Variants in NTM observed in about 807,000 individuals in gnomAD.
NTM encodes neurotrimin.
In NTM, 13 loss-of-function variants were observed where a neutral mutation model predicts 42.1. That is an observed-to-expected ratio of 0.31 (90% CI 0.20 to 0.49). NTM has a LOEUF of 0.49. NTM is among the 20% of genes least tolerant of loss of function. The probability of loss-of-function intolerance (pLI) is 0.99; values close to 1 mark genes in which losing one functional copy is unlikely to be tolerated. For missense variants in NTM, 373 were observed against 452.8 expected (o/e 0.82, Z 1.60); for synonymous variants, 187 against 179.2 (o/e 1.04, Z -0.35).
intron 2 of NTM, among the ~76,000 whole-genome samples, chr11:131,912,874 G>T (rs116235146): frequency 6.6e-6 from 1 of 152,208 alleles, no homozygotes; most frequent in Non-Finnish European, 1.5e-5. Context: ...AAATGGTGAA[G>T]AGGAGGCAAT....
chr11:131,827,722 A>G (rs1192351616), intron 1 of NTM, among the ~76,000 whole-genome samples: 1 of 152,220 alleles, frequency 6.6e-6, no homozygotes, highest in East Asian at 1.9e-4. Context: ...CTGAGTAGTT[A>G]TCTTGAAGTT....
chr11:131,770,707 T>A (rs1461016288), intron 1 of NTM: 1 of 152,192 alleles, frequency 6.6e-6, no homozygotes, highest in Non-Finnish European at 1.5e-5. Context: ...AAGTCTTCCA[T>A]TGTTTTTTTC....
At chr11:131,779,828 G>A (rs1423451141) in intron 1 of NTM, among the ~76,000 whole-genome samples, 1 of 152,194 alleles carries the variant, frequency 6.6e-6, no homozygotes, top group Non-Finnish European at 1.5e-5. Context: ...AACTGTAAGT[G>A]GGTAAGAATG....
At chr11:131,838,608 G>C (rs2043820643) in intron 1 of NTM, among the ~76,000 whole-genome samples, 1 of 152,210 alleles carries the variant, frequency 6.6e-6, no homozygotes, top group African/African-American at 2.4e-5. Context: ...GTGATCAATG[G>C]AAAATATGGA....
At chr11:132,295,189 AT>A (rs2094571064) in intron 4 of NTM, among the ~76,000 whole-genome samples, 1 of 152,116 alleles carries the variant, frequency 6.6e-6, no homozygotes. Flanking sequence ...ACCTTAAAAA[AT>A]ATACCCACTG....
At chr11:132,181,510 T>C (rs528240979) in intron 3 of NTM, among the ~76,000 whole-genome samples, 4 of 152,366 alleles carry the variant, frequency 2.6e-5, no homozygotes, top group African/African-American at 7.2e-5. Context: ...ACCAGGTTTT[T>C]GGTTTCAATC....
chr11:131,444,855 A>G (rs58955041), intron 1 of NTM, among the ~76,000 whole-genome samples: 10,791 of 152,236 alleles, frequency 0.071, 1,782 homozygotes, highest in East Asian at 0.67. Flanking sequence ...TGTGGGTACA[A>G]ATGTGTTTCC....
rs1367904904 is a variant in NTM, at chr11:131,690,168, G to A, written c.83-221396G>A. Among the ~76,000 whole-genome samples the A allele has an allele frequency of 2.0e-5, 3 of 152,256 alleles. No individual in the cohort carries two copies. The East Asian group carries it at 5.8e-4, about 29-fold the overall frequency. On this transcript the variant is annotated intron_variant, in intron 1 of 8. Transcript: ENST00000683400. The stretch of plus-strand genomic sequence containing the variant: ...ACACCAAGATGGCAGAGAAGGCCTG[G>A]AATCCAGATGAGAGGAGAGAAAAGT...
intron 4 of NTM, among the ~76,000 whole-genome samples, chr11:132,231,308 G>A (rs1371772775): frequency 6.6e-6 from 1 of 152,196 alleles, no homozygotes. Flanking sequence ...TCTTTTGGCA[G>A]TGTTTCCAAG....
At chr11:131,815,398 G>A (rs996927695) in intron 1 of NTM, among the ~76,000 whole-genome samples, 1 of 152,130 alleles carries the variant, frequency 6.6e-6, no homozygotes, top group Non-Finnish European at 1.5e-5. Context: ...GGCCAGAGCT[G>A]CTGTCTCCCT....
At chr11:131,753,524 A>C (rs2135723587) in intron 1 of NTM, among the ~76,000 whole-genome samples, 1 of 151,872 alleles carries the variant, frequency 6.6e-6, no homozygotes, top group Non-Finnish European at 1.5e-5. Context: ...TGGATTAAGA[A>C]AATGTGGCAC....
chr11:131,844,152 G>A (rs1466603306), intron 1 of NTM, among the ~76,000 whole-genome samples: 2 of 152,078 alleles, frequency 1.3e-5, no homozygotes, highest in East Asian at 3.9e-4. Context: ...TCTAATAATG[G>A]CAAAGTGTTG....
intron 2 of NTM, among the ~76,000 whole-genome samples, chr11:132,000,382 C>T (rs201452938): frequency 2.0e-5 from 3 of 152,320 alleles, no homozygotes. Flanking sequence ...GTGGTTTTTG[C>T]TACTCCTTCT....
intron 1 of NTM, among the ~76,000 whole-genome samples, chr11:131,578,077 T>A (rs2058087865): frequency 6.6e-6 from 1 of 152,200 alleles, no homozygotes; most frequent in Non-Finnish European, 1.5e-5. Flanking sequence ...CTGTGTCCTG[T>A]ATCATTAAAT....
At chr11:131,905,179 G>A (rs1458251142) in intron 1 of NTM, among the ~76,000 whole-genome samples, 2 of 152,162 alleles carry the variant, frequency 1.3e-5, no homozygotes, top group African/African-American at 4.8e-5. Context: ...GTACCATGAG[G>A]ACCACTATTT....
intron 2 of NTM, among the ~76,000 whole-genome samples, chr11:132,037,114 C>A (rs1020541762): frequency 6.6e-6 from 1 of 151,860 alleles, no homozygotes; most frequent in Non-Finnish European, 1.5e-5. Context: ...GAGGTAGGGC[C>A]TAATAGAAGG....
intron 1 of NTM, among the ~76,000 whole-genome samples, chr11:131,680,020 T>G (rs1370620862): frequency 3.9e-5 from 6 of 152,214 alleles, no homozygotes; most frequent in Non-Finnish European, 8.8e-5. Flanking sequence ...ATAGCAATAT[T>G]CAGCGGCAGA....
At chr11:131,635,350 C>G (rs772047646) in intron 1 of NTM, among the ~76,000 whole-genome samples, 9 of 152,076 alleles carry the variant, frequency 5.9e-5, no homozygotes, top group Non-Finnish European at 1.2e-4. Flanking sequence ...AGGAGGCAGA[C>G]AGTGATATTG....
chr11:131,452,581 T>C (rs929076786), intron 1 of NTM, among the ~76,000 whole-genome samples: 2 of 152,198 alleles, frequency 1.3e-5, no homozygotes, highest in Admixed American at 1.3e-4. Flanking sequence ...TATGGGAAAA[T>C]GTCCTCTGCA....
Sources: allele counts gnomAD v4.1 joint callset (sites outside exome capture counted in the v4.1 genomes callset), GRCh38; gene constraint gnomAD v4.1.1; transcripts MANE v1.5; gene names NCBI Gene and HGNC (gene_info 2026-07-23, HGNC 2026-07-21).